Variants in PAPPA2 observed in about 807,000 individuals in gnomAD.
PAPPA2 encodes the protein pappalysin-2.
PAPPA2 carries 86 observed loss-of-function variants against 176.4 expected under a neutral mutation model. The ratio of observed to expected loss-of-function variants is 0.49; its 90% CI spans 0.41 to 0.58. The LOEUF is 0.58. Ranked by LOEUF, PAPPA2 falls within the 20% of genes least tolerant of loss-of-function variation. PAPPA2 has a pLI of 0.00. For missense variants in PAPPA2, 2,073 were observed against 2,256.9 expected, an observed-to-expected ratio of 0.92 and a Z score of 1.65; for synonymous variants, 809 against 852.2, an observed-to-expected ratio of 0.95 and a Z score of 0.88.
intron 21 of PAPPA2, among the ~76,000 whole-genome samples, chr1:176,814,559 G>A (rs1193362609): frequency 6.6e-6 from 1 of 152,098 alleles, no homozygotes; most frequent in Non-Finnish European, 1.5e-5. Context: ...GTGAATGAAA[G>A]TTCATTCATT....
Position 176,671,033 on chromosome 1 carries a change from C to T in PAPPA2, c.2055C>T (p.Asn685=). The T allele has an allele frequency of 6.2e-7, 1 of 1,614,022 alleles. No homozygotes were observed. The change falls in exon 4 of 23, where the codon AAC becomes AAT. Residue 685 remains asparagine (N), a synonymous_variant. Transcript: ENST00000367662. ...AGCTGAACAGTACTCACTTCCTCAA[C>T]ATCTACTTTGCCAGCTCAGTGCGGG... is the stretch of plus-strand genomic sequence containing the variant. ...ALQLNSTHFL[N]IYFASSVRED...
chr1:176,484,648 G>A (rs1193563247), intron 1 of PAPPA2, among the ~76,000 whole-genome samples: 1 of 152,104 alleles, frequency 6.6e-6, no homozygotes, highest in East Asian at 1.9e-4. Flanking sequence ...CCCTTCAAAG[G>A]CATTCTTCAT....
intron 3 of PAPPA2, among the ~76,000 whole-genome samples, chr1:176,623,762 T>C (rs12126813): frequency 0.017 from 1,082 of 64,936 alleles, 12 homozygotes; most frequent in Middle Eastern, 0.039. Flanking sequence ...TTCCTTCCTT[T>C]CTTTCTTTCT....
intron 3 of PAPPA2, among the ~76,000 whole-genome samples, chr1:176,607,198 T>C (rs1232523010): frequency 6.6e-6 from 1 of 152,200 alleles, no homozygotes; most frequent in East Asian, 1.9e-4. Flanking sequence ...GTATTTATCA[T>C]TGCTATGTGT....
chr1:176,793,360 C>T (rs2102940943), intron 19 of PAPPA2, among the ~76,000 whole-genome samples, 200 bp from the exon 20 acceptor site: 1 of 152,192 alleles, frequency 6.6e-6, no homozygotes, highest in East Asian at 1.9e-4. Context: ...TAGGTTGGGG[C>T]AGAGTCTCTT....
At chr1:176,495,446 A>C (rs1647552036) in intron 1 of PAPPA2, among the ~76,000 whole-genome samples, 2 of 151,886 alleles carry the variant, frequency 1.3e-5, no homozygotes, top group Non-Finnish European at 2.9e-5. Context: ...AGGCTGAGGC[A>C]GCAGAATCGC....
chr1:176,615,487 CT>C (rs1159282970), intron 3 of PAPPA2, among the ~76,000 whole-genome samples: 1 of 151,674 alleles, frequency 6.6e-6, no homozygotes, highest in Non-Finnish European at 1.5e-5. Context: ...ATTTTTTTTT[CT>C]TTTTTCTTTT....
Position 176,595,012 on chromosome 1 carries a change from T to G in PAPPA2, c.1408T>G (p.Phe470Val). ...GCCTGTGAACACAGAGTGGGTTCCCTTTAGAGATGAGAAGTACCCACGACT... is the reference window on the plus strand; with the variant it reads ...GCCTGTGAACACAGAGTGGGTTCCCGTTAGAGATGAGAAGTACCCACGACT... ...FEPVNTEWVP[F>V]RDEKYPRLEV... The change falls in exon 3 of 23, where the codon TTT becomes GTT. Residue 470 changes from phenylalanine (F) to valine (V), a missense_variant. Transcript: ENST00000367662. 6.2e-7 allele frequency: 1 copy of G among 1,614,128 alleles called. No individual in the cohort carries two copies. The highest frequency in any genetic ancestry group is 8.5e-7 in the Non-Finnish European group (1 of 1,180,012).
At chr1:176,610,337 TTG>T (rs1003134606) in intron 3 of PAPPA2, among the ~76,000 whole-genome samples, 2 of 82,732 alleles carry the variant, frequency 2.4e-5, no homozygotes, top group Non-Finnish European at 4.2e-5. Context: ...TGCTGCAAAG[TTG>T]TGTGTGGGGG....
intron 4 of PAPPA2, among the ~76,000 whole-genome samples, chr1:176,687,112 T>G (rs1185573671): frequency 6.6e-6 from 1 of 152,234 alleles, no homozygotes; most frequent in Non-Finnish European, 1.5e-5. Flanking sequence ...TTAACACACA[T>G]GTAGTTACTG....
At chr1:176,683,260 C>T (rs1001391823) in intron 4 of PAPPA2, among the ~76,000 whole-genome samples, 9 of 152,064 alleles carry the variant, frequency 5.9e-5, no homozygotes, top group African/African-American at 2.2e-4. Flanking sequence ...CAACAATTCT[C>T]TTATTGTTTT....
chr1:176,511,866 A>T (rs561228938), intron 1 of PAPPA2, among the ~76,000 whole-genome samples: 2 of 152,266 alleles, frequency 1.3e-5, no homozygotes, highest in African/African-American at 4.8e-5. Context: ...ACTCAGACTG[A>T]AACTTACACT....
chr1:176,594,810 T>C lies in PAPPA2; in HGVS notation c.1206T>C (p.Ser402=). ...SGPLNSPFMA[S]CRSLLLGGDS... The stretch of plus-strand genomic sequence containing the variant: ...CCCTGAACAGCCCCTTCATGGCATC[T>C]TGCCGCTCTTTGCTCCTGGGGGGAG... Residue 402 remains serine, a synonymous_variant, in exon 3 of 23, where the codon TCT becomes TCC. Coordinates refer to ENST00000367662, the MANE Select transcript of PAPPA2 (RefSeq NM_020318.3). 6.2e-7 allele frequency: 1 copy of C among 1,614,238 alleles called. No homozygotes were observed.
chr1:176,833,819 T>A (rs1052103981), intron 21 of PAPPA2, among the ~76,000 whole-genome samples: 1 of 151,460 alleles, frequency 6.6e-6, no homozygotes, highest in South Asian at 2.1e-4. Flanking sequence ...TACATATATA[T>A]GTGTATATAT....
At chr1:176,714,000 C>T (rs1444940466) in intron 12 of PAPPA2, among the ~76,000 whole-genome samples, 1 of 152,150 alleles carries the variant, frequency 6.6e-6, no homozygotes, top group Non-Finnish European at 1.5e-5. Context: ...AGTCTTTTAA[C>T]TCTAACTCCC....
At chr1:176,476,357 A>T (rs1652124956) in intron 1 of PAPPA2, among the ~76,000 whole-genome samples, 1 of 152,234 alleles carries the variant, frequency 6.6e-6, no homozygotes, top group Non-Finnish European at 1.5e-5. Flanking sequence ...TTTATGGTTC[A>T]CTAAATATAC....
intron 3 of PAPPA2, among the ~76,000 whole-genome samples, chr1:176,599,202 TACAC>T (rs905488463): frequency 1.1e-4 from 15 of 136,506 alleles, no homozygotes; most frequent in Non-Finnish European, 1.7e-4. Context: ...TATATATATA[TACAC>T]ACACACACAC....
At chr1:176,676,471 A>T (rs746451109) in intron 4 of PAPPA2, among the ~76,000 whole-genome samples, 1 of 152,018 alleles carries the variant, frequency 6.6e-6, no homozygotes, top group Non-Finnish European at 1.5e-5. Flanking sequence ...AAAAAAAGCC[A>T]ATCTCAAAAC....
At chr1:176,724,528 G>C (rs111265573) in intron 12 of PAPPA2, among the ~76,000 whole-genome samples, 1 of 152,198 alleles carries the variant, frequency 6.6e-6, no homozygotes, top group African/African-American at 2.4e-5. Flanking sequence ...GAATGGTCTC[G>C]TTCAGGCTGG....
Sources: allele counts gnomAD v4.1 joint callset (sites outside exome capture counted in the v4.1 genomes callset), GRCh38; gene constraint gnomAD v4.1.1; transcripts MANE v1.5; gene names NCBI Gene and HGNC (gene_info 2026-07-23, HGNC 2026-07-21).